FAM219A: variants seen among roughly 807,000 people sequenced by gnomAD.
The protein encoded by FAM219A is protein FAM219A.
In FAM219A, 7 loss-of-function variants were observed where a neutral mutation model predicts 23.4. The ratio of observed to expected loss-of-function variants is 0.30; its 90% CI spans 0.17 to 0.56. FAM219A has a LOEUF of 0.56. Ranked by LOEUF, FAM219A falls within the 20% of genes least tolerant of loss-of-function variation. The probability of loss-of-function intolerance (pLI) is 0.92; values close to 1 mark genes in which losing one functional copy is unlikely to be tolerated. For missense variants in FAM219A, 166 were observed against 246.9 expected (o/e 0.67, Z 2.20); for synonymous variants, 93 against 99.0 (o/e 0.94, Z 0.36).
intron 1 of FAM219A, among the ~76,000 whole-genome samples, chr9:34,421,045 A>AGAG (rs68047702): frequency 3.4e-5 from 4 of 117,204 alleles, no homozygotes; most frequent in African/African-American, 6.2e-5. Flanking sequence ...AGAGAGAGAG[A>AGAG]ATGGCTCTGC....
rs530646015 is a variant in FAM219A at position 34,403,363 on chromosome 9, C to T, written c.161-556G>A. 6.4e-4 allele frequency among the ~76,000 whole-genome samples: 98 copies of T among 152,344 alleles called. 1 individual carries two copies. In the Middle Eastern group the frequency reaches 0.027, roughly 42 times the overall value. Reference sequence around the variant, plus strand: ...GTCCTGTGCTAAGGGGCCGAAGACCCTCTCTGGTTACAAACTCAGAACATG... The same window carrying T: ...GTCCTGTGCTAAGGGGCCGAAGACCTTCTCTGGTTACAAACTCAGAACATG... On this transcript the variant is annotated intron_variant, in intron 2 of 5. Coordinates refer to ENST00000651358, the MANE Select transcript of FAM219A (RefSeq NM_001184940.2).
intron 1 of FAM219A, among the ~76,000 whole-genome samples, chr9:34,428,443 G>A (rs919983341): frequency 2.6e-5 from 4 of 152,222 alleles, no homozygotes; most frequent in Admixed American, 1.3e-4. Context: ...TGAGATCCCA[G>A]AAAGAGCCTC....
At chr9:34,404,993 T>C (rs762298120) in intron 2 of FAM219A, among the ~76,000 whole-genome samples, 1 of 152,178 alleles carries the variant, frequency 6.6e-6, no homozygotes, top group Non-Finnish European at 1.5e-5. Context: ...TCAGTAATTG[T>C]TGGGCAGCTG....
In FAM219A at chr9:34,404,417, A is replaced by G. The variant is rs182233611; in HGVS notation, c.160+1448T>C. 2.6e-5 allele frequency among the ~76,000 whole-genome samples: 4 copies of G among 152,320 alleles called. No homozygotes were observed. The East Asian group carries it at 5.8e-4, about 22-fold the overall frequency. ...TAAAATATTTGTATTGTGATATTAA[A>G]CAATAATAGGCTGGGTATGGTGGCT... On this transcript the variant is annotated intron_variant, in intron 2 of 5. Transcript: ENST00000651358.
intron 1 of FAM219A, among the ~76,000 whole-genome samples, chr9:34,407,254 G>A (rs2131934458): frequency 6.6e-6 from 1 of 152,156 alleles, no homozygotes; most frequent in East Asian, 1.9e-4. Context: ...TATAGGATGG[G>A]GGTCTGGCTT....
intron 1 of FAM219A, among the ~76,000 whole-genome samples, chr9:34,418,358 A>G (rs976070562): frequency 2.6e-5 from 4 of 152,242 alleles, no homozygotes; most frequent in African/African-American, 9.6e-5. Flanking sequence ...ACCACTCACC[A>G]GAAAACCCTG....
intron 1 of FAM219A, among the ~76,000 whole-genome samples, chr9:34,451,964 CTCAA>C (rs368704033): frequency 2.0e-4 from 30 of 152,240 alleles, no homozygotes; most frequent in African/African-American, 6.3e-4. Context: ...AAGAGCCCAG[CTCAA>C]TCAGTCAGAA....
chr9:34,415,691 T>G (rs1588041597), intron 1 of FAM219A, among the ~76,000 whole-genome samples: 2 of 152,348 alleles, frequency 1.3e-5, no homozygotes, highest in South Asian at 4.1e-4. Flanking sequence ...GGAACTATGC[T>G]GGTTCTATGT....
intron 3 of FAM219A, 54 bp downstream of exon 3, chr9:34,402,651 A>G: frequency 6.3e-7 from 1 of 1,594,640 alleles, no homozygotes; most frequent in Non-Finnish European, 8.6e-7. Flanking sequence ...GCTCAGGACC[A>G]GCAGAAATAG....
chr9:34,424,650 A>AAG (rs1822391716), intron 1 of FAM219A, among the ~76,000 whole-genome samples: 1 of 151,574 alleles, frequency 6.6e-6, no homozygotes, highest in South Asian at 2.1e-4. Flanking sequence ...CAAAGCCAAC[A>AAG]CGGACCTACC....
chr9:34,432,541 C>T lies in FAM219A; in HGVS notation c.60+25663G>A, dbSNP rs61163444. On this transcript the variant is annotated intron_variant, in intron 1 of 5. Transcript: ENST00000651358. ...CCTTCCTACTGTCCCTCCTCTTATA[C>T]TGTAGACATAAGCGCCTTTCCCAGT... Among the ~76,000 whole-genome samples the T allele has an allele frequency of 0.012, 1,804 of 152,326 alleles. 72 individuals carry two copies. The East Asian group carries it at 0.14, about 11-fold the overall frequency.
intron 1 of FAM219A, among the ~76,000 whole-genome samples, chr9:34,415,085 G>C (rs1821949900): frequency 6.6e-6 from 1 of 151,662 alleles, no homozygotes; most frequent in African/African-American, 2.4e-5. Flanking sequence ...TGAGTAACTA[G>C]GTCTATAAGC....
chr9:34,406,356 G>A (rs1821636672), intron 1 of FAM219A: 6 of 985,412 alleles, frequency 6.1e-6, no homozygotes, highest in Non-Finnish European at 7.2e-6. Flanking sequence ...GTTCCTGTGA[G>A]TTTAAGTCTG....
At chr9:34,401,998 A>G (rs1821457409) in intron 4 of FAM219A, among the ~76,000 whole-genome samples, 1 of 149,018 alleles carries the variant, frequency 6.7e-6, no homozygotes, top group Non-Finnish European at 1.5e-5. Flanking sequence ...GTAGACTCAA[A>G]TCACCCTGAC....
At chr9:34,438,657 T>C (rs1183819956) in intron 1 of FAM219A, among the ~76,000 whole-genome samples, 2 of 152,168 alleles carry the variant, frequency 1.3e-5, no homozygotes, top group African/African-American at 4.8e-5. Flanking sequence ...GCTCAGGGTT[T>C]GTGAATGCAC....
intron 1 of FAM219A, chr9:34,406,493 C>T (rs1321583284): frequency 1.0e-6 from 1 of 985,222 alleles, no homozygotes; most frequent in African/African-American, 1.7e-5. Context: ...AGGCTACAGC[C>T]ACTGGACAAA....
chr9:34,448,994 G>A (rs112572851), intron 1 of FAM219A, among the ~76,000 whole-genome samples: 44,448 of 142,194 alleles, frequency 0.31, 7,703 homozygotes, highest in East Asian at 0.46. Context: ...AAAACTATCG[G>A]AAAAAAAAAA....
intron 1 of FAM219A, among the ~76,000 whole-genome samples, chr9:34,437,565 G>C (rs1887776): frequency 6.6e-6 from 1 of 152,262 alleles, no homozygotes; most frequent in Admixed American, 6.5e-5. Context: ...TTACAGTTAA[G>C]AGCATGGCCT....
At chr9:34,437,345 A>T (rs1822960267) in intron 1 of FAM219A, among the ~76,000 whole-genome samples, 1 of 152,218 alleles carries the variant, frequency 6.6e-6, no homozygotes, top group African/African-American at 2.4e-5. Context: ...ATGGGGTGAG[A>T]GACCCTGAGA....
Sources: allele counts gnomAD v4.1 joint callset (sites outside exome capture counted in the v4.1 genomes callset), GRCh38; gene constraint gnomAD v4.1.1; transcripts MANE v1.5; gene names NCBI Gene and HGNC (gene_info 2026-07-23, HGNC 2026-07-21).